The following PCDHA3 variants were observed in gnomAD, a reference collection of about 807,000 sequenced individuals.
The protein encoded by PCDHA3 is protocadherin alpha 3.
A neutral mutation model predicts 62.2 loss-of-function variants in PCDHA3; 41 were observed. The observed-to-expected ratio is 0.66, with a 90% CI of 0.51 to 0.86. PCDHA3 has a LOEUF of 0.86. PCDHA3 is among the 40% of genes least tolerant of loss of function. The pLI is 0.00. For synonymous variants in PCDHA3, 640 were observed against 555.4 expected, an observed-to-expected ratio of 1.15 and a Z score of -2.14; for missense variants, 1,304 against 1,241.2, an observed-to-expected ratio of 1.05 and a Z score of -0.76.
At chr5:140,988,366 G>A (rs1384658783) in intron 3 of PCDHA3, among the ~76,000 whole-genome samples, 2 of 152,122 alleles carry the variant, frequency 1.3e-5, no homozygotes, top group Non-Finnish European at 2.9e-5. Flanking sequence ...TTACTTTCTG[G>A]GGTTGTGAAA....
intron 1 of PCDHA3, chr5:140,926,357 A>G (rs1385567779): frequency 1.3e-5 from 2 of 152,178 alleles, no homozygotes; most frequent in Admixed American, 6.5e-5. Flanking sequence ...GCGGCTCCCA[A>G]AGGGCGGCAG....
chr5:140,820,301 T>G (rs1554127819), intron 1 of PCDHA3, among the ~76,000 whole-genome samples: 1 of 152,006 alleles, frequency 6.6e-6, no homozygotes, highest in Non-Finnish European at 1.5e-5. Context: ...AACAATTCTA[T>G]GACAATATCT....
chr5:140,882,174 CG>C, intron 1 of PCDHA3: 1 of 1,514,752 alleles, frequency 6.6e-7, no homozygotes, highest in South Asian at 1.4e-5. Flanking sequence ...CGAATCCTTC[CG>C]CACTAGGAAG....
intron 1 of PCDHA3, among the ~76,000 whole-genome samples, chr5:140,895,055 A>T (rs1313066261): frequency 2.0e-5 from 3 of 152,118 alleles, no homozygotes; most frequent in Non-Finnish European, 4.4e-5. Flanking sequence ...ATTCTGCTTC[A>T]TATGGACTCA....
chr5:140,929,302 G>T, intron 1 of PCDHA3: 1 of 1,587,714 alleles, frequency 6.3e-7, no homozygotes, highest in Admixed American at 1.7e-5. Flanking sequence ...TAGGAAAGGG[G>T]ATCACGCTAA....
chr5:140,988,751 T>C (rs1433769306), intron 3 of PCDHA3, among the ~76,000 whole-genome samples: 2 of 152,198 alleles, frequency 1.3e-5, no homozygotes, highest in Non-Finnish European at 2.9e-5. Flanking sequence ...ATTGGTGGCC[T>C]GGGCAGAATA....
chr5:140,900,178 T>C (rs972449455), intron 1 of PCDHA3, among the ~76,000 whole-genome samples: 2 of 152,238 alleles, frequency 1.3e-5, no homozygotes, highest in African/African-American at 2.4e-5. Context: ...GCCTGGTTTA[T>C]GTCACTTATA....
chr5:140,855,044 T>C lies in PCDHA3; in HGVS notation c.2394+51453T>C, dbSNP rs1055824292. ...TCTTGTATAAAGGATTTTTCTGTAA[T>C]AGTACTTTTCTGTTTTCTTAAATAC... On this transcript the variant is annotated intron_variant, in intron 1 of 3. Coordinates refer to ENST00000522353, the MANE Select transcript of PCDHA3 (RefSeq NM_018906.3). 4.0e-5 allele frequency among the ~76,000 whole-genome samples: 6 copies of C among 149,952 alleles called. 2 individuals carry two copies. The highest frequency in any genetic ancestry group is 8.9e-5 in the Non-Finnish European group (6 of 67,110).
intron 1 of PCDHA3, chr5:140,866,984 A>G (rs2049692494): frequency 6.6e-6 from 1 of 152,180 alleles, no homozygotes; most frequent in African/African-American, 2.4e-5. Flanking sequence ...ATCACAGCCA[A>G]AATGCAAAAG....
rs782733393 is a variant in PCDHA3 at position 140,875,889 on chromosome 5, G to T, written c.2394+72298G>T. The T allele has an allele frequency of 4.8e-5, 78 of 1,614,056 alleles. No homozygotes were observed. The highest frequency in any genetic ancestry group is 5.8e-5 in the Non-Finnish European group (69 of 1,180,042). On this transcript the variant is annotated intron_variant, in intron 1 of 3. Coordinates refer to ENST00000522353, the MANE Select transcript of PCDHA3 (RefSeq NM_018906.3). ...CGGTGTTCAGAGAAAGGGAACAAAA[G>T]GTACCTGTTTCTGAATCTGCGCCTC...
In PCDHA3 at chr5:140,842,731, G is replaced by A. The variant is rs202126810; in HGVS notation, c.2394+39140G>A. Reference sequence around the variant, plus strand: ...TGTTCGTGAAGGAGAACAACCCGCCGGGCTGCCACATCTTCACGGTGTCTG... The same window carrying A: ...TGTTCGTGAAGGAGAACAACCCGCCAGGCTGCCACATCTTCACGGTGTCTG... On this transcript the variant is annotated intron_variant, in intron 1 of 3. Coordinates refer to ENST00000522353, the MANE Select transcript of PCDHA3 (RefSeq NM_018906.3). The A allele has an allele frequency of 1.1e-5, 17 of 1,594,938 alleles. 3 individuals are homozygous for A. The highest frequency in any genetic ancestry group is 5.1e-5 in the Admixed American group (3 of 59,276).
chr5:140,855,043 A>T (rs1177113480), intron 1 of PCDHA3, among the ~76,000 whole-genome samples: 2 of 149,900 alleles, frequency 1.3e-5, no homozygotes, highest in African/African-American at 4.9e-5. Flanking sequence ...TTTTTCTGTA[A>T]TAGTACTTTT....
intron 1 of PCDHA3, among the ~76,000 whole-genome samples, chr5:140,937,867 G>A (rs1009502911): frequency 7.9e-5 from 12 of 151,142 alleles, no homozygotes; most frequent in African/African-American, 1.2e-4. Flanking sequence ...AGCCGAGATC[G>A]CGCCACTGCA....
At chr5:140,849,221 C>T (rs1383448278) in intron 1 of PCDHA3, 3 of 1,037,238 alleles carry the variant, frequency 2.9e-6, no homozygotes, top group Admixed American at 2.8e-5. Flanking sequence ...CCCCAGTGTT[C>T]GACAGAACCC....
intron 3 of PCDHA3, among the ~76,000 whole-genome samples, chr5:141,000,391 CTCTCTATATA>C (rs1171335262): frequency 2.9e-3 from 162 of 56,578 alleles, no homozygotes; most frequent in African/African-American, 4.6e-3. Flanking sequence ...CTCTCTCTCT[CTCTCTATATA>C]TATATATATA....
intron 3 of PCDHA3, among the ~76,000 whole-genome samples, chr5:141,009,094 C>T (rs1350235475): frequency 6.6e-6 from 1 of 152,176 alleles, no homozygotes; most frequent in Non-Finnish European, 1.5e-5. Flanking sequence ...AAGAACCAAA[C>T]ATATGTTACT....
At chr5:140,888,610 A>G (rs1180344966) in intron 1 of PCDHA3, among the ~76,000 whole-genome samples, 1 of 152,210 alleles carries the variant, frequency 6.6e-6, no homozygotes, top group African/African-American at 2.4e-5. Context: ...CTTTTAGTGT[A>G]GCACTAATTC....
intron 1 of PCDHA3, chr5:140,856,717 A>T: frequency 6.3e-7 from 1 of 1,596,480 alleles, no homozygotes; most frequent in Non-Finnish European, 8.6e-7. Flanking sequence ...AATTTACCGG[A>T]TCTGTTTCTC....
intron 1 of PCDHA3, chr5:140,860,894 C>A (rs1220238688): frequency 1.3e-5 from 2 of 152,314 alleles, no homozygotes; most frequent in African/African-American, 2.4e-5. Context: ...CCCGCCAACA[C>A]GCCAGGCTAA....
Sources: gnomAD v4.1 joint callset for allele counts (sites outside exome capture counted in the v4.1 genomes callset) on GRCh38, gnomAD v4.1.1 for gene constraint, MANE v1.5 for transcripts, NCBI Gene and HGNC (gene_info 2026-07-23, HGNC 2026-07-21) for gene names.